SAMD4A: variants seen among roughly 807,000 people sequenced by gnomAD.
The protein encoded by SAMD4A is protein Smaug homolog 1.
SAMD4A carries 33 observed loss-of-function variants against 81.3 expected under a neutral mutation model. The observed-to-expected ratio is 0.41, with a 90% CI of 0.31 to 0.54. SAMD4A has a LOEUF of 0.54. SAMD4A is among the 20% of genes least tolerant of loss of function. SAMD4A has a pLI of 0.37. For missense variants in SAMD4A, 854 were observed against 951.1 expected, an observed-to-expected ratio of 0.90 and a Z score of 1.34; for synonymous variants, 389 against 382.1, an observed-to-expected ratio of 1.02 and a Z score of -0.21.
chr14:54,622,016 A>G (rs2034629861), intron 2 of SAMD4A, among the ~76,000 whole-genome samples: 1 of 152,182 alleles, frequency 6.6e-6, no homozygotes, highest in Non-Finnish European at 1.5e-5. Flanking sequence ...GAGCAAATGA[A>G]GTATTTTGCT....
intron 2 of SAMD4A, among the ~76,000 whole-genome samples, chr14:54,593,164 T>C (rs2033824557): frequency 6.6e-6 from 1 of 152,232 alleles, no homozygotes; most frequent in African/African-American, 2.4e-5. Flanking sequence ...ATAATATATA[T>C]GTTATTTAAC....
rs1161357082 is a variant in SAMD4A at position 54,776,488 on chromosome 14, C to A, written c.1992C>A (p.Arg664=). The change falls in exon 11 of 13, where the codon CGC becomes CGA. Residue 664 remains arginine, a synonymous_variant. Transcript: ENST00000554335. ...CCCACAGCTCAGTCCAGAGGACCCGCTCGCTGCCCGTGCACACTTCCCCAC... is the reference window on the plus strand; with the variant it reads ...CCCACAGCTCAGTCCAGAGGACCCGATCGCTGCCCGTGCACACTTCCCCAC... ...SRTHSSVQRT[R]SLPVHTSPQN... is the part of the protein sequence containing the mutation. The A allele has an allele frequency of 1.9e-6, 3 of 1,596,384 alleles. No individual in the cohort carries two copies. The highest frequency in any genetic ancestry group is 2.6e-6 in the Non-Finnish European group (3 of 1,172,294).
intron 3 of SAMD4A, among the ~76,000 whole-genome samples, chr14:54,708,987 T>C (rs114885912): frequency 0.011 from 1,691 of 152,214 alleles, 35 homozygotes; most frequent in African/African-American, 0.039. Flanking sequence ...GCATTAAAAA[T>C]AGGTGATAGA....
chr14:54,591,527 G>GTTTTTTTT (rs55702356), intron 2 of SAMD4A, among the ~76,000 whole-genome samples: 1 of 147,120 alleles, frequency 6.8e-6, no homozygotes, highest in Non-Finnish European at 1.5e-5. Context: ...CCTGTATTTT[G>GTTTTTTTT]TTTTTTTTTT....
intron 2 of SAMD4A, among the ~76,000 whole-genome samples, chr14:54,594,126 A>G (rs957235124): frequency 1.3e-5 from 2 of 152,244 alleles, no homozygotes; most frequent in African/African-American, 4.8e-5. Flanking sequence ...ATAGAGGTAG[A>G]TAACATAGAA....
At chr14:54,664,177 GT>G (rs981987764) in intron 2 of SAMD4A, among the ~76,000 whole-genome samples, 1 of 151,758 alleles carries the variant, frequency 6.6e-6, no homozygotes. Context: ...TTGCCTTTGG[GT>G]TTTTTTTCTC....
At chr14:54,690,473 G>T (rs889941277) in intron 2 of SAMD4A, among the ~76,000 whole-genome samples, 2 of 151,974 alleles carry the variant, frequency 1.3e-5, no homozygotes, top group African/African-American at 4.8e-5. Context: ...CTGGCTGGAG[G>T]GCCTAGGAGT....
At chr14:54,783,052 C>T (rs577634939) in intron 11 of SAMD4A, among the ~76,000 whole-genome samples, 4 of 152,054 alleles carry the variant, frequency 2.6e-5, no homozygotes, top group South Asian at 2.1e-4. Context: ...GGAGACTTCT[C>T]GGTCACCTGG....
At chr14:54,662,132 A>G (rs1466413388) in intron 2 of SAMD4A, among the ~76,000 whole-genome samples, 2 of 152,184 alleles carry the variant, frequency 1.3e-5, no homozygotes, top group Admixed American at 6.5e-5. Flanking sequence ...AGTTCTTCAA[A>G]CATGTCTCTC....
At position 54,697,320 on chromosome 14, in the gene SAMD4A, C is replaced by T. The variant is rs542350637; in HGVS notation, c.197-4742C>T. On this transcript the variant is annotated intron_variant, in intron 2 of 12. Coordinates refer to ENST00000554335, the MANE Select transcript of SAMD4A (RefSeq NM_015589.6). ...AGGAGCCATCATCAGAGAGACCAGA[C>T]GTACTCCAAGTCCATATAATCAGCA... Among the ~76,000 whole-genome samples, 6 of 152,336 alleles carry T rather than the reference C, an allele frequency of 3.9e-5. No individual in the cohort carries two copies. In the South Asian group the frequency reaches 8.3e-4, roughly 21 times the overall value.
At chr14:54,649,979 C>G (rs944445673) in intron 2 of SAMD4A, among the ~76,000 whole-genome samples, 2 of 152,080 alleles carry the variant, frequency 1.3e-5, no homozygotes, top group African/African-American at 4.8e-5. Context: ...TTTAAAAAAA[C>G]AAGATTTTCT....
rs139449865 is a variant in SAMD4A, at chr14:54,758,139, A to G, written c.1177-2022A>G. Among the ~76,000 whole-genome samples the G allele has an allele frequency of 2.1e-4, 32 of 152,356 alleles. No homozygotes were observed. In the East Asian group the frequency reaches 5.8e-3, roughly 28 times the overall value. The stretch of plus-strand genomic sequence containing the variant: ...GACTTTCTCCCCTAAAATAGGCTGA[A>G]CAGTGGCCCTGGCCAGGTTTGAGAG... On this transcript the variant is annotated intron_variant, in intron 6 of 12. Coordinates refer to ENST00000554335, the MANE Select transcript of SAMD4A (RefSeq NM_015589.6).
At chr14:54,722,646 G>A (rs930515436) in intron 3 of SAMD4A, among the ~76,000 whole-genome samples, 3 of 152,130 alleles carry the variant, frequency 2.0e-5, no homozygotes, top group Non-Finnish European at 4.4e-5. Flanking sequence ...ATCTCTCTAG[G>A]TCTTTGATTC....
At chr14:54,676,953 G>A (rs760684681) in intron 2 of SAMD4A, among the ~76,000 whole-genome samples, 3 of 152,204 alleles carry the variant, frequency 2.0e-5, no homozygotes, top group African/African-American at 4.8e-5. Context: ...TCCCACTGAA[G>A]CCAGAGATCC....
chr14:54,758,870 C>T (rs1408601018), intron 6 of SAMD4A, among the ~76,000 whole-genome samples: 5 of 152,160 alleles, frequency 3.3e-5, no homozygotes, highest in East Asian at 3.9e-4. Flanking sequence ...TGATTGGGAC[C>T]CTGATTATCA....
chr14:54,757,444 T>G (rs1253585519), intron 6 of SAMD4A, among the ~76,000 whole-genome samples: 1 of 150,066 alleles, frequency 6.7e-6, no homozygotes, highest in African/African-American at 2.5e-5. Context: ...TTTGTTTTGT[T>G]TGGTGTGGTT....
chr14:54,592,594 G>T (rs1301994528), intron 2 of SAMD4A, among the ~76,000 whole-genome samples: 2 of 152,068 alleles, frequency 1.3e-5, no homozygotes, highest in Admixed American at 6.6e-5. Context: ...CAAGTAGCTG[G>T]GACTACAGGT....
intron 2 of SAMD4A, among the ~76,000 whole-genome samples, chr14:54,569,680 C>G (rs1248688966): frequency 6.6e-6 from 1 of 152,142 alleles, no homozygotes; most frequent in Non-Finnish European, 1.5e-5. Flanking sequence ...TTTACCTGCT[C>G]GGTTTTACTT....
At chr14:54,760,681 G>A (rs898247214) in intron 7 of SAMD4A, among the ~76,000 whole-genome samples, 187 bp downstream of exon 7, 1 of 152,188 alleles carries the variant, frequency 6.6e-6, no homozygotes, top group Admixed American at 6.5e-5. Context: ...TGCAATCACT[G>A]TGACCCCAGG....
Sources: gnomAD v4.1 joint callset for allele counts (sites outside exome capture counted in the v4.1 genomes callset) on GRCh38, gnomAD v4.1.1 for gene constraint, MANE v1.5 for transcripts, NCBI Gene and HGNC (gene_info 2026-07-23, HGNC 2026-07-21) for gene names.